Variants in RPS6KC1 observed in about 807,000 individuals in gnomAD.
RPS6KC1 encodes the protein ribosomal protein S6 kinase C1.
A neutral mutation model predicts 103.8 loss-of-function variants in RPS6KC1; 54 were observed. The observed-to-expected ratio is 0.52, with a 90% CI of 0.42 to 0.65. The LOEUF is 0.65. RPS6KC1 is among the 30% of genes least tolerant of loss of function. The probability of loss-of-function intolerance (pLI) is 0.00; values close to 1 mark genes in which losing one functional copy is unlikely to be tolerated. For missense variants in RPS6KC1, 1,151 were observed against 1,253.8 expected (o/e 0.92, Z 1.24); for synonymous variants, 439 against 438.7 (o/e 1.00, Z -0.01).
intron 10 of RPS6KC1, among the ~76,000 whole-genome samples, chr1:213,234,014 C>CT (rs565425301): frequency 0.028 from 3,781 of 135,096 alleles, 95 homozygotes; most frequent in East Asian, 0.09. Context: ...CTCTCTCTCT[C>CT]TTTTTTTTTT....
At chr1:213,420,654 A>G in the RPS6KC1 span, among the ~76,000 whole-genome samples, 1 of 152,182 alleles carries the variant, frequency 6.6e-6, no homozygotes, top group African/African-American at 2.4e-5. Flanking sequence ...AGAGTCCCCA[A>G]GGCCCACAGG....
the RPS6KC1 span, among the ~76,000 whole-genome samples, chr1:213,468,770 G>A: frequency 6.6e-5 from 10 of 152,276 alleles, no homozygotes; most frequent in Admixed American, 4.6e-4. Flanking sequence ...TGATGCCCAC[G>A]AAGACTTAAA....
chr1:213,844,611 C>A, the RPS6KC1 span, among the ~76,000 whole-genome samples: 1 of 151,992 alleles, frequency 6.6e-6, no homozygotes, highest in Non-Finnish European at 1.5e-5. Flanking sequence ...CCCAAAGTTA[C>A]AAGCAAGAGA....
At chr1:213,639,184 A>G in the RPS6KC1 span, among the ~76,000 whole-genome samples, 4 of 152,090 alleles carry the variant, frequency 2.6e-5, no homozygotes, top group Non-Finnish European at 5.9e-5. Context: ...ACATTTTTGT[A>G]TTGACATTGT....
chr1:213,550,252 G>A, the RPS6KC1 span, among the ~76,000 whole-genome samples: 4 of 152,198 alleles, frequency 2.6e-5, no homozygotes, highest in African/African-American at 9.7e-5. Context: ...CCAGGGGGAA[G>A]AAACACTGCA....
intron 10 of RPS6KC1, among the ~76,000 whole-genome samples, chr1:213,239,022 C>T (rs570845685): frequency 6.6e-6 from 1 of 152,212 alleles, no homozygotes; most frequent in South Asian, 2.1e-4. Context: ...AATATAGACT[C>T]AATGCATAGC....
At chr1:213,498,862 T>G in the RPS6KC1 span, among the ~76,000 whole-genome samples, 3 of 150,908 alleles carry the variant, frequency 2.0e-5, no homozygotes, top group Non-Finnish European at 3.0e-5. Flanking sequence ...TCACTGCAAC[T>G]TCTGCCTCCT....
the RPS6KC1 span, among the ~76,000 whole-genome samples, chr1:213,602,245 CTCTCTCTCTTTT>C: frequency 8.9e-6 from 1 of 112,650 alleles, no homozygotes; most frequent in African/African-American, 3.3e-5. Flanking sequence ...TCCTCTCTTT[CTCTCTCTCTTTT>C]TTTTTCTTTT....
the RPS6KC1 span, among the ~76,000 whole-genome samples, chr1:213,751,572 A>C: frequency 6.6e-6 from 1 of 152,146 alleles, no homozygotes. Flanking sequence ...GGGCTGGTGG[A>C]GGCTGAGCTC....
At chr1:213,749,399 G>A in the RPS6KC1 span, among the ~76,000 whole-genome samples, 1 of 152,288 alleles carries the variant, frequency 6.6e-6, no homozygotes, top group South Asian at 2.1e-4. Context: ...ATAGAACAGG[G>A]GGGAGAGGTT....
At chr1:213,152,180 G>A (rs1464932733) in intron 6 of RPS6KC1, among the ~76,000 whole-genome samples, 1 of 143,384 alleles carries the variant, frequency 7.0e-6, no homozygotes. Flanking sequence ...CCGGGCGGGG[G>A]GCTGACCCCC....
At chr1:213,064,955 G>A (rs1274355021) in intron 1 of RPS6KC1, among the ~76,000 whole-genome samples, 8 of 122,528 alleles carry the variant, frequency 6.5e-5, no homozygotes, top group Admixed American at 4.3e-4. Flanking sequence ...GATTACAGGC[G>A]TGAGCCACCG....
At chr1:213,081,415 C>T (rs1425084558) in intron 3 of RPS6KC1, among the ~76,000 whole-genome samples, 1 of 152,058 alleles carries the variant, frequency 6.6e-6, no homozygotes, top group Admixed American at 6.5e-5. Flanking sequence ...AGAGTGAGAA[C>T]CAGCAAGCCA....
At chr1:213,248,600 A>C (rs933157215) in intron 12 of RPS6KC1, among the ~76,000 whole-genome samples, 1 of 152,194 alleles carries the variant, frequency 6.6e-6, no homozygotes. Flanking sequence ...AAGTTAACAC[A>C]AGTCTTACCT....
At chr1:213,152,151 T>G (rs1310078983) in intron 6 of RPS6KC1, among the ~76,000 whole-genome samples, 135 of 120,544 alleles carry the variant, frequency 1.1e-3, no homozygotes, top group Non-Finnish European at 2.1e-3. Flanking sequence ...GCCCCTCACC[T>G]CCTGGACGGG....
intron 8 of RPS6KC1, among the ~76,000 whole-genome samples, chr1:213,185,042 T>A (rs2092459657): frequency 6.6e-6 from 1 of 152,226 alleles, no homozygotes; most frequent in East Asian, 1.9e-4. Context: ...CTTTGTTGAT[T>A]TGCCGCTGGA....
At chr1:213,750,666 G>T in the RPS6KC1 span, among the ~76,000 whole-genome samples, 1 of 152,106 alleles carries the variant, frequency 6.6e-6, no homozygotes, top group Non-Finnish European at 1.5e-5. Flanking sequence ...TGGAGTGTAG[G>T]TACTTCCAGG....
intron 5 of RPS6KC1, among the ~76,000 whole-genome samples, chr1:213,128,275 T>C (rs995181987): frequency 2.0e-5 from 3 of 152,232 alleles, no homozygotes; most frequent in Non-Finnish European, 4.4e-5. Context: ...ACAATGCCAC[T>C]TCTTTCACTA....
At chr1:213,155,028 A>G (rs1267865280) in intron 6 of RPS6KC1, among the ~76,000 whole-genome samples, 4 of 152,196 alleles carry the variant, frequency 2.6e-5, no homozygotes, top group African/African-American at 9.7e-5. Context: ...CTTCTGGCTC[A>G]GGGTGTGTAT....
Sources: gnomAD v4.1 joint callset for allele counts (sites outside exome capture counted in the v4.1 genomes callset) on GRCh38, gnomAD v4.1.1 for gene constraint, MANE v1.5 for transcripts, NCBI Gene and HGNC (gene_info 2026-07-23, HGNC 2026-07-21) for gene names.